BAALC: variants seen among roughly 807,000 people sequenced by gnomAD.
The protein encoded by BAALC is BAALC binder of MAP3K1 and KLF4, also known as brain and acute leukemia cytoplasmic protein.
BAALC carries 9 observed loss-of-function variants against 15.5 expected under a neutral mutation model. That is an observed-to-expected ratio of 0.58 (90% confidence interval 0.35 to 1.02). BAALC has a LOEUF of 1.02. Among genes scored for constraint, BAALC ranks in the 50% least tolerant of loss-of-function variants. The pLI, the probability that BAALC is intolerant of heterozygous loss-of-function variation, is 0.02. For missense variants in BAALC, 201 were observed against 192.4 expected (o/e 1.04, Z -0.27); for synonymous variants, 80 against 74.6 (o/e 1.07, Z -0.37).
chr8:103,193,188 T>C (rs1198199980), intron 1 of BAALC, among the ~76,000 whole-genome samples: 1 of 152,224 alleles, frequency 6.6e-6, no homozygotes, highest in Non-Finnish European at 1.5e-5. Flanking sequence ...GGCTTACCCC[T>C]GTCACAGGCG....
At chr8:103,168,008 A>G (rs1300064387) in intron 1 of BAALC, among the ~76,000 whole-genome samples, 1 of 152,176 alleles carries the variant, frequency 6.6e-6, no homozygotes, top group African/African-American at 2.4e-5. Flanking sequence ...CTTCTCTTTC[A>G]GAGCACTTAC....
At chr8:103,203,659 C>A (rs1379372134) in intron 1 of BAALC, among the ~76,000 whole-genome samples, 3 of 152,292 alleles carry the variant, frequency 2.0e-5, no homozygotes, top group Middle Eastern at 6.8e-3. Context: ...CTGAACATTT[C>A]ATATAAATGG....
intron 1 of BAALC, among the ~76,000 whole-genome samples, chr8:103,179,455 G>A (rs1423680658): frequency 6.6e-6 from 1 of 152,218 alleles, no homozygotes; most frequent in Non-Finnish European, 1.5e-5. Flanking sequence ...CTACCATTTG[G>A]AGGGTCACTG....
intron 1 of BAALC, among the ~76,000 whole-genome samples, chr8:103,204,516 C>T (rs1046848319): frequency 1.3e-5 from 2 of 152,162 alleles, no homozygotes; most frequent in Non-Finnish European, 2.9e-5. Flanking sequence ...TGAAGACTTA[C>T]ACCTATATTT....
At chr8:103,164,646 C>A (rs1189197136) in intron 1 of BAALC, among the ~76,000 whole-genome samples, 2 of 152,162 alleles carry the variant, frequency 1.3e-5, no homozygotes, top group Non-Finnish European at 2.9e-5. Flanking sequence ...ACTAGGCCTG[C>A]CCTTTCCTTC....
intron 2 of BAALC, among the ~76,000 whole-genome samples, chr8:103,221,684 T>C (rs1472535660): frequency 6.6e-6 from 1 of 152,168 alleles, no homozygotes; most frequent in Admixed American, 6.6e-5. Flanking sequence ...ACAACTCACT[T>C]CTCCAAACTT....
chr8:103,189,187 T>C (rs1215984169), intron 1 of BAALC, among the ~76,000 whole-genome samples: 1 of 152,230 alleles, frequency 6.6e-6, no homozygotes, highest in Non-Finnish European at 1.5e-5. Context: ...ATACATCCAC[T>C]ACAACTTGTA....
chr8:103,160,329 T>C (rs915340069), intron 1 of BAALC, among the ~76,000 whole-genome samples: 1 of 152,168 alleles, frequency 6.6e-6, no homozygotes, highest in Admixed American at 6.6e-5. Flanking sequence ...GGGTATGCCC[T>C]ATGTAAATGG....
chr8:103,141,328 G>A (rs1267732802), intron 1 of BAALC: 5 of 390,670 alleles, frequency 1.3e-5, no homozygotes, highest in Non-Finnish European at 2.2e-5. Context: ...CTCGCTGGTC[G>A]GGAGACCGGT....
At chr8:103,227,835 C>G (rs1424730643) in intron 2 of BAALC, among the ~76,000 whole-genome samples, 154 bp from the exon 3 acceptor site, 5 of 152,128 alleles carry the variant, frequency 3.3e-5, no homozygotes, top group African/African-American at 1.2e-4. Context: ...AATTTTTGCA[C>G]AGATCACAAA....
intron 1 of BAALC, among the ~76,000 whole-genome samples, chr8:103,181,994 C>T (rs73699739): frequency 2.2e-3 from 336 of 152,270 alleles, no homozygotes; most frequent in African/African-American, 7.4e-3. Flanking sequence ...GGGCTGACTC[C>T]GGATCCCTCT....
At chr8:103,175,284 C>T (rs1811583035) in intron 1 of BAALC, among the ~76,000 whole-genome samples, 1 of 152,154 alleles carries the variant, frequency 6.6e-6, no homozygotes. Flanking sequence ...GTGTGAACTA[C>T]AACAAAAGGC....
chr8:103,152,746 G>A (rs1811012683), intron 1 of BAALC, among the ~76,000 whole-genome samples: 1 of 152,212 alleles, frequency 6.6e-6, no homozygotes, highest in African/African-American at 2.4e-5. Flanking sequence ...TGGAAGGTCT[G>A]CACAGAGGTC....
intron 1 of BAALC, chr8:103,141,434 T>G: frequency 4.9e-6 from 1 of 203,810 alleles, no homozygotes; most frequent in Non-Finnish European, 9.8e-6. Flanking sequence ...TTGGCCCATC[T>G]GCCATCCCCT....
intron 2 of BAALC, among the ~76,000 whole-genome samples, chr8:103,215,789 A>G (rs1394914190): frequency 6.6e-6 from 1 of 152,246 alleles, no homozygotes; most frequent in Non-Finnish European, 1.5e-5. Flanking sequence ...TCCAAAGTGG[A>G]GAGAGAGCAA....
intron 2 of BAALC, among the ~76,000 whole-genome samples, chr8:103,215,735 A>G (rs1273430313): frequency 6.6e-6 from 1 of 152,228 alleles, no homozygotes; most frequent in Non-Finnish European, 1.5e-5. Flanking sequence ...GGCCAAAGCA[A>G]GTCAAATGGA....
intron 1 of BAALC, among the ~76,000 whole-genome samples, chr8:103,184,223 T>C (rs1016429034): frequency 6.6e-6 from 1 of 152,220 alleles, no homozygotes; most frequent in Non-Finnish European, 1.5e-5. Flanking sequence ...TATTTCAGGA[T>C]AATCTATTTT....
intron 2 of BAALC, among the ~76,000 whole-genome samples, chr8:103,221,464 C>CTT (rs11336485): frequency 6.9e-6 from 1 of 145,338 alleles, no homozygotes. Context: ...GGGGGCCATA[C>CTT]TTTTTTTTTT....
chr8:103,169,674 C>G (rs569122224), intron 1 of BAALC, among the ~76,000 whole-genome samples: 1 of 152,200 alleles, frequency 6.6e-6, no homozygotes, highest in Non-Finnish European at 1.5e-5. Context: ...AGGGCACATG[C>G]CTGACTGAGT....
Sources: gnomAD v4.1 joint callset for allele counts (sites outside exome capture counted in the v4.1 genomes callset) on GRCh38, gnomAD v4.1.1 for gene constraint, MANE v1.5 for transcripts, NCBI Gene and HGNC (gene_info 2026-07-23, HGNC 2026-07-21) for gene names.